Variants in DNM2 observed in about 807,000 individuals in gnomAD.
The protein encoded by DNM2 is dynamin 2.
In DNM2, 15 loss-of-function variants were observed where a neutral mutation model predicts 99.0. That is an observed-to-expected ratio of 0.15 (90% CI 0.10 to 0.23). DNM2 has a LOEUF of 0.23. Ranked by LOEUF, DNM2 falls within the 10% of genes least tolerant of loss-of-function variation. The pLI, the probability that DNM2 is intolerant of heterozygous loss-of-function variation, is 1.00. For missense variants in DNM2, 742 were observed against 1,189.4 expected (o/e 0.62, Z 5.53); for synonymous variants, 525 against 481.2 (o/e 1.09, Z -1.19).
rs1015947272 is a variant in DNM2 at position 10,830,833 on chromosome 19, G to A, written c.2544-145G>A. 29 of 1,026,708 alleles carry A rather than the reference G, an allele frequency of 2.8e-5. No individual in the cohort carries two copies. The highest frequency in any genetic ancestry group is 2.7e-4 in the Middle Eastern group (1 of 3,732). The allele number at this position is 1,026,708 out of a possible 1,614,324, so 63.6% of individuals were successfully genotyped here. A position where few individuals can be genotyped will look rare whatever the true frequency, so the allele number is the denominator to read the frequency against. The stretch of plus-strand genomic sequence containing the variant: ...ATGCCTAGGTTTGGCACTCCTGCCC[G>A]ACACCCTGGTGGCTTGCGGAGGTCA... On this transcript the variant is annotated intron_variant, in intron 20 of 20. Transcript: ENST00000389253. The surrounding 1 kb of genome is among the most constrained non-coding windows in gnomAD (Gnocchi z 4.8).
intron 1 of DNM2, among the ~76,000 whole-genome samples, chr19:10,748,889 C>T (rs1020993872): frequency 1.3e-5 from 2 of 152,198 alleles, no homozygotes; most frequent in African/African-American, 4.8e-5. Flanking sequence ...TTATCAGAGT[C>T]CTGAGAGAAG....
intron 18 of DNM2, 22 bp from the exon 19 acceptor site, chr19:10,829,014 C>A: frequency 6.2e-7 from 1 of 1,607,978 alleles, no homozygotes; most frequent in South Asian, 1.1e-5. Context: ...CAAGCCTGAC[C>A]CTCCCCAACC....
Position 10,811,212 on chromosome 19 carries a change from A to C in DNM2, c.1558-1052A>C, listed in dbSNP as rs1599600555. On this transcript the variant is annotated intron_variant, in intron 14 of 20. Transcript: ENST00000389253. The surrounding 1 kb of genome is among the most constrained non-coding windows in gnomAD (Gnocchi z 5.4). ...TTTAGCCACCTCCGTCTTCATGGCC[A>C]CCTGGGGCTTAGCACTCACATCCAG... 1 of 178,924 alleles carries C rather than the reference A, an allele frequency of 5.6e-6. No individual in the cohort carries two copies. The highest frequency in any genetic ancestry group is 1.2e-5 in the Non-Finnish European group (1 of 83,572). The allele number at this position is 178,924 out of a possible 1,614,324, so 11.1% of individuals were successfully genotyped here.
At chr19:10,745,234 C>G (rs2069922682) in intron 1 of DNM2, among the ~76,000 whole-genome samples, 2 of 152,194 alleles carry the variant, frequency 1.3e-5, no homozygotes, top group Non-Finnish European at 2.9e-5. Flanking sequence ...TGCATTGCTC[C>G]CCGGACTAGC....
chr19:10,739,040 C>T (rs910880616), intron 1 of DNM2, among the ~76,000 whole-genome samples: 15 of 151,714 alleles, frequency 9.9e-5, no homozygotes, highest in African/African-American at 2.9e-4. Context: ...TGGTAGCGGG[C>T]GCCTGTACTG....
chr19:10,748,278 G>T (rs1009436156), intron 1 of DNM2, among the ~76,000 whole-genome samples: 1 of 152,154 alleles, frequency 6.6e-6, no homozygotes, highest in Non-Finnish European at 1.5e-5. Flanking sequence ...AGTGGGACAC[G>T]CTGACAGCCT....
At chr19:10,794,730 G>A (rs907486823) in intron 8 of DNM2, among the ~76,000 whole-genome samples, 1 of 151,088 alleles carries the variant, frequency 6.6e-6, no homozygotes, top group Non-Finnish European at 1.5e-5. Flanking sequence ...CAGTGACAGA[G>A]CCAGACCCTA....
chr19:10,807,519 C>T (rs956821878), intron 13 of DNM2, among the ~76,000 whole-genome samples: 6 of 130,392 alleles, frequency 4.6e-5, no homozygotes, highest in East Asian at 2.7e-4. Context: ...GAATTACAAG[C>T]GTGAGCCATC....
chr19:10,729,191 T>TAAA (rs199498710), intron 1 of DNM2, among the ~76,000 whole-genome samples: 24 of 57,768 alleles, frequency 4.2e-4, no homozygotes, highest in African/African-American at 1.3e-3. Context: ...AAAAAAAAAA[T>TAAA]ATAAAAAATT....
At chr19:10,752,689 C>A (rs183509580) in intron 1 of DNM2, among the ~76,000 whole-genome samples, 1 of 152,238 alleles carries the variant, frequency 6.6e-6, no homozygotes, top group Non-Finnish European at 1.5e-5. Flanking sequence ...GGGCAGGCCC[C>A]CACCCTCTGG....
intron 2 of DNM2, 71 bp downstream of exon 2, chr19:10,759,882 C>T (rs1016042808): frequency 9.1e-5 from 145 of 1,591,476 alleles, no homozygotes; most frequent in Middle Eastern, 1.7e-4. Flanking sequence ...TTGCTGGGGG[C>T]GGAGGGTGGA....
At chr19:10,718,495 T>C in intron 1 of DNM2, 92 bp downstream of exon 1, 1 of 1,260,710 alleles carries the variant, frequency 7.9e-7, no homozygotes. Flanking sequence ...CCGGCGTAAC[T>C]GCGGCGCTTG....
chr19:10,812,712 G>A lies in DNM2; in HGVS notation c.1671+335G>A, dbSNP rs549996240. On this transcript the variant is annotated intron_variant, in intron 15 of 20. Coordinates refer to ENST00000389253, the MANE Select transcript of DNM2 (RefSeq NM_001005361.3). This position sits in a 1 kb window ranked among gnomAD's most constrained non-coding sequence, Gnocchi z 4.0. ...TGAGGCAGGAGAATCGTTTGAACCC[G>A]GGAGGCGGAGGTTGCAGTGAGCCGA... Among the ~76,000 whole-genome samples the A allele has an allele frequency of 7.9e-5, 12 of 152,234 alleles. No individual in the cohort carries two copies. The highest frequency in any genetic ancestry group is 3.4e-3 in the Middle Eastern group (1 of 294).
Position 10,796,555 on chromosome 19 carries a change from C to T in DNM2, c.1197-825C>T, listed in dbSNP as rs1486356285. On this transcript the variant is annotated intron_variant, in intron 9 of 20. Coordinates refer to ENST00000389253, the MANE Select transcript of DNM2 (RefSeq NM_001005361.3). This position sits in a 1 kb window ranked among gnomAD's most constrained non-coding sequence, Gnocchi z 5.6. ...CCCGCGTCAACTGCTGGAGGCTGAG[C>T]TCCTTGAAGCTCCCTGGCTGTCACC... Among the ~76,000 whole-genome samples the T allele has an allele frequency of 6.6e-6, 1 of 152,176 alleles. No homozygotes were observed. Among genetic ancestry groups the T allele is most frequent in the Non-Finnish European group, 1.5e-5 (1 of 68,014 alleles).
chr19:10,787,621 G>C (rs1012496859), intron 7 of DNM2, among the ~76,000 whole-genome samples: 3 of 151,838 alleles, frequency 2.0e-5, no homozygotes, highest in South Asian at 2.1e-4. Context: ...CGGGCGCGGT[G>C]GTGGGCACCT....
chr19:10,810,096 C>T (rs2072489504), intron 14 of DNM2: 1 of 152,322 alleles, frequency 6.6e-6, no homozygotes. Flanking sequence ...TGGTTCCCAT[C>T]TCTACCCGGG....
At chr19:10,734,284 C>T (rs1217191790) in intron 1 of DNM2, among the ~76,000 whole-genome samples, 4 of 148,300 alleles carry the variant, frequency 2.7e-5, no homozygotes, top group Non-Finnish European at 5.9e-5. Flanking sequence ...CCAAGGTTGC[C>T]ATGAGCTGAG....
chr19:10,825,676 G>A (rs575377550), intron 18 of DNM2, among the ~76,000 whole-genome samples: 10 of 142,676 alleles, frequency 7.0e-5, no homozygotes, highest in Non-Finnish European at 1.2e-4. Flanking sequence ...CTCAAGAAAA[G>A]AGAGAGAGAG....
chr19:10,777,865 G>A (rs1358526248), intron 5 of DNM2, among the ~76,000 whole-genome samples: 1 of 151,978 alleles, frequency 6.6e-6, no homozygotes, highest in Non-Finnish European at 1.5e-5. Context: ...AAAGTGCTGG[G>A]ATTACAGCCA....
Sources: allele counts gnomAD v4.1 joint callset (sites outside exome capture counted in the v4.1 genomes callset), GRCh38; gene constraint gnomAD v4.1.1; non-coding constraint Gnocchi (gnomAD v3.1); transcripts MANE v1.5; gene names NCBI Gene and HGNC (gene_info 2026-07-23, HGNC 2026-07-21).